SPACA6: variants seen among roughly 807,000 people sequenced by gnomAD.
SPACA6 encodes the protein sperm acrosome associated 6.
For synonymous variants in SPACA6, 6 were observed against 1.5 expected (o/e 4.05, Z -2.21); for missense variants, 8 against 2.8 (o/e 2.88, Z -1.34).
At chr19:51,693,177 G>T, upstream of SPACA6, 3 of 499,312 alleles carry the variant, frequency 6.0e-6, no homozygotes, top group Non-Finnish European at 7.9e-6. Context: ...TTCTGTCTCT[G>T]GCTCTCAGAA....
chr19:51,684,833 T>C (rs2083321193), upstream of SPACA6, among the ~76,000 whole-genome samples: 1 of 152,348 alleles, frequency 6.6e-6, no homozygotes, highest in East Asian at 1.9e-4. Context: ...TTGGACAAGC[T>C]TGATTTAGAT....
At chr19:51,709,531 C>CAAAAA (rs56170768), downstream of SPACA6, among the ~76,000 whole-genome samples, 182 of 54,436 alleles carry the variant, frequency 3.3e-3, 2 homozygotes, top group East Asian at 5.3e-3. Context: ...AAAAAAAAGG[C>CAAAAA]AAAAAAAAAA....
chr19:51,698,807 A>G (rs909555401), intron 2 of SPACA6, among the ~76,000 whole-genome samples: 2 of 152,196 alleles, frequency 1.3e-5, no homozygotes, highest in African/African-American at 4.8e-5. Context: ...TAGCTCTCCT[A>G]TATAAAGTAA....
upstream of SPACA6, chr19:51,685,545 GTTTGT>G (rs955499954): frequency 6.6e-6 from 1 of 152,064 alleles, no homozygotes; most frequent in Non-Finnish European, 1.5e-5. Context: ...AAGGTTTTTT[GTTTGT>G]TTTAAGACAG....
upstream of SPACA6, among the ~76,000 whole-genome samples, chr19:51,690,609 G>A (rs1406893307): frequency 6.6e-6 from 1 of 152,124 alleles, no homozygotes; most frequent in Non-Finnish European, 1.5e-5. Context: ...GAGAGGGGGA[G>A]GGGGACCTAG....
upstream of SPACA6, among the ~76,000 whole-genome samples, chr19:51,691,945 C>T (rs1057451019): frequency 1.3e-5 from 2 of 152,156 alleles, no homozygotes; most frequent in African/African-American, 4.8e-5. Flanking sequence ...TCAGCCCCCT[C>T]ACCTGCCAAA....
chr19:51,706,951 G>A (rs76399714), downstream of SPACA6, among the ~76,000 whole-genome samples: 200 of 152,202 alleles, frequency 1.3e-3, 2 homozygotes, highest in East Asian at 0.022. Context: ...GTGAGCCACC[G>A]CTCCCAGCCG....
chr19:51,701,933 G>A (rs551034173), intron 3 of SPACA6, among the ~76,000 whole-genome samples: 1 of 152,306 alleles, frequency 6.6e-6, no homozygotes, highest in African/African-American at 2.4e-5. Context: ...TTAGCTGGGC[G>A]TGGTAACGCA....
downstream of SPACA6, among the ~76,000 whole-genome samples, chr19:51,708,067 T>A (rs979876443): frequency 6.6e-6 from 1 of 152,112 alleles, no homozygotes; most frequent in African/African-American, 2.4e-5. Context: ...CTCCACCCCT[T>A]TTTCCCTCCC....
At chr19:51,689,768 C>A (rs2083353742), upstream of SPACA6, among the ~76,000 whole-genome samples, 1 of 151,596 alleles carries the variant, frequency 6.6e-6, no homozygotes, top group Non-Finnish European at 1.5e-5. Context: ...ATCCCGGGGT[C>A]CAGAATCTGG....
upstream of SPACA6, chr19:51,692,718 T>TC (rs1568614507): frequency 1.9e-6 from 1 of 533,178 alleles, no homozygotes; most frequent in Admixed American, 1.9e-5. This position sits in a 1 kb window ranked among gnomAD's most constrained non-coding sequence, Gnocchi z 5.6. Context: ...TCCCCGGCCC[T>TC]CCCCCTCATC....
chr19:51,697,645 T>C (rs1443230908), intron 2 of SPACA6, among the ~76,000 whole-genome samples: 16 of 152,064 alleles, frequency 1.1e-4, no homozygotes, highest in Non-Finnish European at 2.1e-4. Context: ...AGGATGACTT[T>C]TGCGTCTCCT....
chr19:51,702,816 G>A (rs1277608415), intron 4 of SPACA6, 164 bp downstream of exon 4: 1 of 398,554 alleles, frequency 2.5e-6, no homozygotes, highest in Non-Finnish European at 4.4e-6. Flanking sequence ...TAAATCCTCA[G>A]AAGGTGTGTG....
downstream of SPACA6, among the ~76,000 whole-genome samples, chr19:51,710,057 G>A (rs2122236920): frequency 6.6e-6 from 1 of 152,260 alleles, no homozygotes; most frequent in South Asian, 2.1e-4. Context: ...ATAATCTTAG[G>A]TAGCTCTTCA....
At position 51,695,859 on chromosome 19, in the gene SPACA6, C is replaced by T. The variant is rs183221890; in HGVS notation, c.292+1304C>T. On this transcript the variant is annotated intron_variant, in intron 2 of 8. Transcript: ENST00000637797. ...CGTGAAGGTGGAGAAGGGCCAGGGCCAGAGAGTTAGGTCTGCTGGGCTGTT... is the reference window on the plus strand; with the variant it reads ...CGTGAAGGTGGAGAAGGGCCAGGGCTAGAGAGTTAGGTCTGCTGGGCTGTT... Among the ~76,000 whole-genome samples, 26 of 152,260 alleles carry T rather than the reference C, an allele frequency of 1.7e-4. 1 individual carries two copies. The East Asian group carries it at 5.0e-3, about 29-fold the overall frequency.
intron 2 of SPACA6, among the ~76,000 whole-genome samples, chr19:51,711,005 G>C (rs2083538810): frequency 6.6e-6 from 1 of 152,152 alleles, no homozygotes; most frequent in Admixed American, 6.5e-5. Context: ...GCTTGAACCT[G>C]GGACGCAGAG....
At chr19:51,691,551 G>C (rs2083372905), upstream of SPACA6, among the ~76,000 whole-genome samples, 1 of 151,970 alleles carries the variant, frequency 6.6e-6, no homozygotes, top group South Asian at 2.1e-4. Context: ...AACAGAAGCG[G>C]GGAGAGGAGA....
At chr19:51,692,686 G>GCTCACCATCGCGGCTGGGGC (rs1568614400), upstream of SPACA6, 1 of 533,318 alleles carries the variant, frequency 1.9e-6, no homozygotes, top group Admixed American at 2.0e-5. The surrounding 1 kb of genome is among the most constrained non-coding windows in gnomAD (Gnocchi z 5.6). Flanking sequence ...CGTGTCGGGG[G>GCTCACCATCGCGGCTGGGGC]CTCACCATCG....
chr19:51,695,455 C>T (rs759620525), intron 2 of SPACA6, among the ~76,000 whole-genome samples: 1 of 152,172 alleles, frequency 6.6e-6, no homozygotes. Flanking sequence ...ATTCCCACAC[C>T]CACAGTCGCT....
Sources: gnomAD v4.1 joint callset for allele counts (sites outside exome capture counted in the v4.1 genomes callset) on GRCh38, gnomAD v4.1.1 for gene constraint, Gnocchi (gnomAD v3.1) non-coding constraint, MANE v1.5 for transcripts, NCBI Gene and HGNC (gene_info 2026-07-23, HGNC 2026-07-21) for gene names.